The following IBTK variants were observed in gnomAD, a reference collection of about 807,000 sequenced individuals.
IBTK encodes the protein BTK-binding protein.
A neutral mutation model predicts 154.9 loss-of-function variants in IBTK; 83 were observed. The ratio of observed to expected loss-of-function variants is 0.54; its 90% CI spans 0.45 to 0.64. The LOEUF (loss-of-function observed/expected upper bound fraction) is 0.64. Ranked by LOEUF, IBTK falls within the 30% of genes least tolerant of loss-of-function variation. The pLI, the probability that IBTK is intolerant of heterozygous loss-of-function variation, is 0.00. For synonymous variants in IBTK, 515 were observed against 536.1 expected (o/e 0.96, Z 0.54); for missense variants, 1,332 against 1,584.6 (o/e 0.84, Z 2.71).
chr6:82,174,254 G>T (rs1768030479), intron 26 of IBTK, among the ~76,000 whole-genome samples: 1 of 152,072 alleles, frequency 6.6e-6, no homozygotes, highest in Admixed American at 6.6e-5. Flanking sequence ...AGCATGTCAG[G>T]ATTACTGTAG....
At position 82,224,170 on chromosome 6, in the gene IBTK, G is replaced by C; in HGVS notation, c.841C>G (p.Leu281Val). 3 of 1,613,450 alleles carry C rather than the reference G, an allele frequency of 1.9e-6. No individual in the cohort carries two copies. The highest frequency in any genetic ancestry group is 2.5e-6 in the Non-Finnish European group (3 of 1,179,434). Reference sequence around the variant, plus strand: ...ACGCCAATGATTGTCCTTCCTTTCAGATATTTTGCCTGTATCTATTTAAAG... The same window carrying C: ...ACGCCAATGATTGTCCTTCCTTTCACATATTTTGCCTGTATCTATTTAAAG... ...NVPRQIQAKYLKGRTIIGVAA... is the reference protein window; with the variant it reads ...NVPRQIQAKYVKGRTIIGVAA... The change falls in exon 7 of 29, where the codon CTG (leucine) becomes GTG (valine). Residue 281 changes from leucine (L) to valine (V), a missense_variant. Physicochemically the swap from Leu to Val is conservative, Grantham distance 32. Around this residue, in one of 3 missense-constraint regions of IBTK, gnomAD observed 1,134 missense variants for 1,274.7 expected, o/e 0.89. Coordinates refer to ENST00000306270, the MANE Select transcript of IBTK (RefSeq NM_015525.4).
intron 23 of IBTK, among the ~76,000 whole-genome samples, chr6:82,193,984 C>A (rs1053901494): frequency 6.6e-6 from 1 of 152,004 alleles, no homozygotes; most frequent in African/African-American, 2.4e-5. Context: ...GCCCAGCCTT[C>A]ATTTGACTTT....
At position 82,214,439 on chromosome 6, in the gene IBTK, C is replaced by G; in HGVS notation, c.1992G>C (p.Leu664=). 2 of 1,613,828 alleles carry G rather than the reference C, an allele frequency of 1.2e-6. No homozygotes were observed. The highest frequency in any genetic ancestry group is 1.7e-6 in the Non-Finnish European group (2 of 1,179,824). ...NKNPEEYQGT[L]NSHLNKVNFH... ...AATTCACTTTATTCAAATGAGAATTCAGAGTTCCCTGATATTCTTCTGGGT... is the reference window on the plus strand; with the variant it reads ...AATTCACTTTATTCAAATGAGAATTGAGAGTTCCCTGATATTCTTCTGGGT... Residue 664 remains leucine (L), a synonymous_variant, in exon 12 of 29, where the codon CTG becomes CTC. Coordinates refer to ENST00000306270, the MANE Select transcript of IBTK (RefSeq NM_015525.4).
chr6:82,202,462 A>T, intron 18 of IBTK, 66 bp downstream of exon 18: 1 of 841,056 alleles, frequency 1.2e-6, no homozygotes, highest in Non-Finnish European at 2.0e-6. Flanking sequence ...AATCACTAAT[A>T]ATATCTGCTA....
At chr6:82,213,256 T>A (rs574724634) in intron 12 of IBTK, among the ~76,000 whole-genome samples, 1 of 152,162 alleles carries the variant, frequency 6.6e-6, no homozygotes, top group Non-Finnish European at 1.5e-5. Flanking sequence ...CTCAAACTCC[T>A]GACCTCAGGA....
At chr6:82,182,064 A>G in intron 25 of IBTK, 36 bp from the exon 26 acceptor site, 2 of 1,572,302 alleles carry the variant, frequency 1.3e-6, no homozygotes, top group Non-Finnish European at 8.6e-7. Context: ...TAAAACATCC[A>G]TTTTGTAAAA....
chr6:82,212,697 CCTTA>C lies in IBTK; in HGVS notation c.2291+6_2291+9del, dbSNP rs749109173. ...AGACATGAAATGTTAATCTTCCTTT[CCTTA>C]CTTACCATTTTTTCTGACTTAGCTT... On this transcript the variant is annotated splice_donor_region_variant and intron_variant, in intron 13 of 28. Transcript: ENST00000306270. The C allele has an allele frequency of 1.3e-5, 20 of 1,523,160 alleles. No individual in the cohort carries two copies. The highest frequency in any genetic ancestry group is 3.6e-6 in the Non-Finnish European group (4 of 1,097,822). 94.4% of individuals were successfully genotyped at this position (1,523,160 alleles called of 1,614,324 possible).
intron 12 of IBTK, 55 bp from the exon 13 acceptor site, chr6:82,212,848 A>T (rs1769704142): frequency 1.9e-6 from 2 of 1,036,346 alleles, no homozygotes; most frequent in East Asian, 4.8e-5. Flanking sequence ...AAATAAACAT[A>T]CAACAAAAAA....
In IBTK at chr6:82,181,965, C is replaced by CA; in HGVS notation, c.3638_3639insT (p.Lys1213AsnfsTer5). On this transcript the variant is annotated frameshift_variant, in exon 26 of 29. Transcript: ENST00000306270. LOFTEE classifies it high-confidence loss of function. The stretch of plus-strand genomic sequence containing the variant: ...CGCCTGAACTATGGCTAGTAACAGA[C>CA]TTTTTTTCTTCTAGTAAGAAATCCC... 6.2e-7 allele frequency: 1 copy of CA among 1,605,560 alleles called. No homozygotes were observed.
intron 26 of IBTK, among the ~76,000 whole-genome samples, chr6:82,174,714 C>G (rs991918673): frequency 2.0e-5 from 3 of 151,960 alleles, no homozygotes; most frequent in Non-Finnish European, 2.9e-5. Context: ...GTGTATTATC[C>G]CATTTAATCT....
chr6:82,211,229 C>T, intron 15 of IBTK, 138 bp downstream of exon 15: 1 of 599,044 alleles, frequency 1.7e-6, no homozygotes. Context: ...TTCCAGCAGC[C>T]TCAAGCATAA....
intron 16 of IBTK, among the ~76,000 whole-genome samples, chr6:82,209,288 G>T (rs1769537119): frequency 6.6e-6 from 1 of 152,114 alleles, no homozygotes; most frequent in African/African-American, 2.4e-5. Context: ...ACAGCAGCAT[G>T]ATTCCTAATA....
At chr6:82,189,126 A>G (rs1437359698) in intron 25 of IBTK, 1 of 378,790 alleles carries the variant, frequency 2.6e-6, no homozygotes, top group Non-Finnish European at 5.0e-6. Flanking sequence ...GAGGAAAAGT[A>G]TCAAAGTAAT....
intron 1 of IBTK, among the ~76,000 whole-genome samples, chr6:82,243,369 A>G (rs1028160764): frequency 1.3e-5 from 2 of 152,194 alleles, no homozygotes; most frequent in African/African-American, 4.8e-5. Context: ...TATGGTTTCT[A>G]TTACCCACAA....
rs1394113450 is a variant in IBTK, at chr6:82,204,856, C to T, written c.2611+1G>A. The T allele has an allele frequency of 4.5e-6, 7 of 1,562,758 alleles. No individual in the cohort carries two copies. The highest frequency in any genetic ancestry group is 6.1e-6 in the Non-Finnish European group (7 of 1,142,996). On this transcript the variant is annotated splice_donor_variant, in intron 17 of 28. Transcript: ENST00000306270. LOFTEE classifies it high-confidence loss of function. ...TAATATTCAAACTCAAAATTACTCACGTTTTTCAGTTAATGCTACTTCACA... is the reference window on the plus strand; with the variant it reads ...TAATATTCAAACTCAAAATTACTCATGTTTTTCAGTTAATGCTACTTCACA...
chr6:82,237,660 T>TA (rs35471414), intron 2 of IBTK, among the ~76,000 whole-genome samples: 77,080 of 141,874 alleles, frequency 0.54, 20,763 homozygotes, highest in East Asian at 0.88. Flanking sequence ...AAGATAGTAG[T>TA]GGTAGTAGTA....
intron 21 of IBTK, among the ~76,000 whole-genome samples, chr6:82,199,634 T>C (rs984792777): frequency 2.8e-4 from 42 of 152,272 alleles, no homozygotes; most frequent in Admixed American, 1.7e-3. Flanking sequence ...TAAACCCCTA[T>C]GCCACTGGAA....
At chr6:82,244,846 A>G (rs938679378) in intron 1 of IBTK, among the ~76,000 whole-genome samples, 4 of 152,138 alleles carry the variant, frequency 2.6e-5, no homozygotes, top group African/African-American at 9.7e-5. Flanking sequence ...AGAGGGAGTC[A>G]GACTTCAAAT....
chr6:82,224,051 C>T lies in IBTK; in HGVS notation c.943+17G>A. On this transcript the variant is annotated intron_variant, in intron 7 of 28. Coordinates refer to ENST00000306270, the MANE Select transcript of IBTK (RefSeq NM_015525.4). ...GTCCAATTTAATTTCCAGATATTGTCATTAAGGATTTCTTACCCAGTTGTC... is the reference window on the plus strand; with the variant it reads ...GTCCAATTTAATTTCCAGATATTGTTATTAAGGATTTCTTACCCAGTTGTC... The T allele has an allele frequency of 1.6e-6, 2 of 1,279,006 alleles. No homozygotes were observed. Among genetic ancestry groups the T allele is most frequent in the Non-Finnish European group, 1.1e-6 (1 of 893,612 alleles). The allele number at this position is 1,279,006 out of a possible 1,614,324, so 79.2% of individuals were successfully genotyped here.
Sources: allele counts gnomAD v4.1 joint callset (sites outside exome capture counted in the v4.1 genomes callset), GRCh38; gene constraint gnomAD v4.1.1; regional missense constraint gnomAD v4.1.1; transcripts MANE v1.5; gene names NCBI Gene and HGNC (gene_info 2026-07-23, HGNC 2026-07-21).